The following SKAP2 variants were observed in gnomAD, a reference collection of about 807,000 sequenced individuals.
SKAP2 encodes the protein src kinase associated phosphoprotein 2.
A neutral mutation model predicts 54.9 loss-of-function variants in SKAP2; 28 were observed. The ratio of observed to expected loss-of-function variants is 0.51; its 90% CI spans 0.38 to 0.70. SKAP2 has a LOEUF of 0.70. Among genes scored for constraint, SKAP2 ranks in the 30% least tolerant of loss-of-function variants. The pLI, the probability that SKAP2 is intolerant of heterozygous loss-of-function variation, is 0.00. For missense variants in SKAP2, 356 were observed against 424.1 expected (o/e 0.84, Z 1.41); for synonymous variants, 137 against 134.3 (o/e 1.02, Z -0.14).
At position 26,682,629 on chromosome 7, in the gene SKAP2, A is replaced by G. The variant is rs1440384978; in HGVS notation, c.987+2107T>C. Reference sequence around the variant, plus strand: ...TAGAAGGCCCTTAATAAATATGATCATGATGGTGAAACTTCAAGCCTTGCA... The same window carrying G: ...TAGAAGGCCCTTAATAAATATGATCGTGATGGTGAAACTTCAAGCCTTGCA... On this transcript the variant is annotated intron_variant, in intron 11 of 12. Transcript: ENST00000345317. Among the ~76,000 whole-genome samples, 3 of 152,298 alleles carry G rather than the reference A, an allele frequency of 2.0e-5. No individual in the cohort carries two copies. In the South Asian group the frequency reaches 6.2e-4, roughly 32 times the overall value.
chr7:26,857,685 G>A, intron 1 of SKAP2: 1 of 985,456 alleles, frequency 1.0e-6, no homozygotes, highest in Non-Finnish European at 1.2e-6. Flanking sequence ...CAGTGAGCAT[G>A]GAGAGCCGGG....
intron 4 of SKAP2, among the ~76,000 whole-genome samples, chr7:26,759,141 G>A (rs1247896767): frequency 1.3e-5 from 2 of 152,154 alleles, no homozygotes; most frequent in African/African-American, 4.8e-5. Flanking sequence ...CTGGGGAAAT[G>A]AATTTTATGG....
intron 9 of SKAP2, among the ~76,000 whole-genome samples, chr7:26,701,013 G>A (rs1011739045): frequency 6.6e-6 from 1 of 152,138 alleles, no homozygotes; most frequent in African/African-American, 2.4e-5. Context: ...TCTCCCCTTT[G>A]TGTTCTCACA....
At chr7:26,681,262 C>T (rs1379307862) in intron 11 of SKAP2, among the ~76,000 whole-genome samples, 3 of 152,088 alleles carry the variant, frequency 2.0e-5, no homozygotes, top group African/African-American at 7.2e-5. Flanking sequence ...CCAGCCTGAC[C>T]AGAGAACAGT....
Position 26,726,871 on chromosome 7 carries a change from A to T in SKAP2, c.594+11T>A. On this transcript the variant is annotated intron_variant, in intron 7 of 12. Transcript: ENST00000345317. ...ATCAACTTAATTTCAAGGCAACATA[A>T]AAACTACAACCTGATATATACGTTT... 1 of 1,588,276 alleles carries T rather than the reference A, an allele frequency of 6.3e-7. No homozygotes were observed.
intron 4 of SKAP2, among the ~76,000 whole-genome samples, chr7:26,769,807 C>T (rs755083089): frequency 7.1e-6 from 1 of 140,282 alleles, no homozygotes; most frequent in East Asian, 2.2e-4. Flanking sequence ...AAGATTGCTG[C>T]CTGCTCCTTC....
chr7:26,777,811 G>A (rs1783344635), intron 4 of SKAP2, among the ~76,000 whole-genome samples: 1 of 152,026 alleles, frequency 6.6e-6, no homozygotes, highest in African/African-American at 2.4e-5. Context: ...GGCATGAATG[G>A]TATTTCAAGG....
At chr7:26,791,807 G>A (rs1324621143) in intron 4 of SKAP2, among the ~76,000 whole-genome samples, 1 of 152,124 alleles carries the variant, frequency 6.6e-6, no homozygotes, top group East Asian at 1.9e-4. Context: ...CATTTTGGGA[G>A]TTTCTGATAA....
At chr7:26,709,723 C>G (rs1364963752) in intron 9 of SKAP2, among the ~76,000 whole-genome samples, 1 of 152,132 alleles carries the variant, frequency 6.6e-6, no homozygotes, top group Non-Finnish European at 1.5e-5. Context: ...TTTAGATCTA[C>G]TTTACCTGTG....
Position 26,669,051 on chromosome 7 carries a change from G to C in SKAP2, c.*615C>G, listed in dbSNP as rs1237097376. On this transcript the variant is annotated 3_prime_UTR_variant, in exon 13 of 13. Coordinates refer to ENST00000345317, the MANE Select transcript of SKAP2 (RefSeq NM_003930.5). ...CTTCTGGTACGCACTTCTGTTGCAG[G>C]TGACAGCACACTGCCATTTGCAACT... 2 of 152,114 alleles carry C rather than the reference G, an allele frequency of 1.3e-5. No individual in the cohort carries two copies. Among genetic ancestry groups the C allele is most frequent in the African/African-American group, 4.8e-5 (2 of 41,426 alleles). 9.4% of individuals were successfully genotyped at this position (152,114 alleles called of 1,614,324 possible). A position where few individuals can be genotyped will look rare whatever the true frequency, so the allele number is the denominator to read the frequency against.
intron 4 of SKAP2, among the ~76,000 whole-genome samples, chr7:26,815,146 GA>G (rs1784241052): frequency 6.6e-6 from 1 of 151,586 alleles, no homozygotes; most frequent in African/African-American, 2.4e-5. Context: ...CTGGGTATTA[GA>G]AGTTTATCTG....
chr7:26,716,010 A>C (rs1382876972), intron 9 of SKAP2, among the ~76,000 whole-genome samples: 1 of 152,216 alleles, frequency 6.6e-6, no homozygotes, highest in Non-Finnish European at 1.5e-5. Context: ...TAAAGACCAT[A>C]GTCTGTATAA....
intron 4 of SKAP2, among the ~76,000 whole-genome samples, chr7:26,816,287 C>A (rs980747504): frequency 2.0e-5 from 3 of 152,084 alleles, no homozygotes; most frequent in African/African-American, 7.2e-5. Context: ...TTTACTCATA[C>A]TTTTGAAATG....
intron 6 of SKAP2, among the ~76,000 whole-genome samples, chr7:26,736,904 G>T (rs1003274211): frequency 1.8e-5 from 2 of 109,228 alleles, no homozygotes; most frequent in Admixed American, 9.0e-5. Context: ...TCTCTAAAAA[G>T]AAAAAAAAAA....
intron 6 of SKAP2, among the ~76,000 whole-genome samples, chr7:26,731,424 T>C (rs1787822574): frequency 6.6e-6 from 1 of 152,236 alleles, no homozygotes; most frequent in Non-Finnish European, 1.5e-5. Context: ...TACCTCTGCC[T>C]ATCTCTTAAA....
intron 4 of SKAP2, among the ~76,000 whole-genome samples, chr7:26,825,963 T>C (rs899351657): frequency 6.6e-6 from 1 of 152,212 alleles, no homozygotes; most frequent in Non-Finnish European, 1.5e-5. Flanking sequence ...GCCTGCTCTT[T>C]GCTTTTGAAT....
chr7:26,857,690 GCCGGGTCTGGGGCAGAGC>G, intron 1 of SKAP2: 2 of 985,486 alleles, frequency 2.0e-6, no homozygotes, highest in East Asian at 2.3e-4. Context: ...AGCATGGAGA[GCCGGGTCTGGGGCAGAGC>G]CCTCACTAGA....
intron 4 of SKAP2, among the ~76,000 whole-genome samples, chr7:26,832,572 T>C (rs1039086541): frequency 4.6e-5 from 7 of 152,054 alleles, no homozygotes; most frequent in African/African-American, 1.7e-4. Context: ...ATGCCTGTAG[T>C]CTCAGCTGAG....
At chr7:26,776,781 A>G (rs1035686357) in intron 4 of SKAP2, among the ~76,000 whole-genome samples, 2 of 152,144 alleles carry the variant, frequency 1.3e-5, no homozygotes, top group Non-Finnish European at 2.9e-5. Flanking sequence ...CACAAATCTG[A>G]TATGTCATTC....
Sources: gnomAD v4.1 joint callset for allele counts (sites outside exome capture counted in the v4.1 genomes callset) on GRCh38, gnomAD v4.1.1 for gene constraint, MANE v1.5 for transcripts, NCBI Gene and HGNC (gene_info 2026-07-23, HGNC 2026-07-21) for gene names.